The following PDE11A variants were observed in gnomAD, a reference collection of about 807,000 sequenced individuals.
PDE11A encodes dual 3',5'-cyclic-AMP and -GMP phosphodiesterase 11A.
PDE11A carries 100 observed loss-of-function variants against 100.5 expected under a neutral mutation model. That is an observed-to-expected ratio of 1.00 (90% CI 0.85 to 1.18). The LOEUF is 1.18. Among genes scored for constraint, PDE11A ranks in the 50% most tolerant of loss-of-function variants. The probability of loss-of-function intolerance (pLI) is 0.00; values close to 1 mark genes in which losing one functional copy is unlikely to be tolerated. For synonymous variants in PDE11A, 381 were observed against 420.8 expected (o/e 0.91, Z 1.16); for missense variants, 1,141 against 1,152.6 (o/e 0.99, Z 0.15).
upstream of PDE11A, among the ~76,000 whole-genome samples, chr2:178,076,506 C>T (rs1306122430): frequency 6.6e-6 from 1 of 152,148 alleles, no homozygotes; most frequent in East Asian, 1.9e-4. Context: ...CATAACTCCT[C>T]CAAAGTCACC....
intron 12 of PDE11A, among the ~76,000 whole-genome samples, chr2:177,720,145 G>C (rs1477128966): frequency 6.6e-6 from 1 of 151,978 alleles, no homozygotes; most frequent in African/African-American, 2.4e-5. Context: ...TATTTTATTT[G>C]CTTTGTGATG....
chr2:178,025,419 T>G (rs182509773), intron 1 of PDE11A, among the ~76,000 whole-genome samples: 1 of 152,232 alleles, frequency 6.6e-6, no homozygotes, highest in South Asian at 2.1e-4. Flanking sequence ...TTATCCCTTT[T>G]TTTAGTCACG....
At chr2:177,677,206 T>C (rs986806087) in intron 16 of PDE11A, among the ~76,000 whole-genome samples, 1 of 152,238 alleles carries the variant, frequency 6.6e-6, no homozygotes, top group Non-Finnish European at 1.5e-5. Context: ...GGTCCTCAGA[T>C]GATAATTCTA....
chr2:177,701,434 T>A (rs1258054097), intron 13 of PDE11A, among the ~76,000 whole-genome samples: 1 of 152,138 alleles, frequency 6.6e-6, no homozygotes, highest in African/African-American at 2.4e-5. Flanking sequence ...TTAGGCTAGA[T>A]GCTGCAAATG....
rs11904417 is a variant in PDE11A at position 178,063,134 on chromosome 2, T to C, written c.912+8392A>G. On this transcript the variant is annotated intron_variant, in intron 1 of 19. Coordinates refer to ENST00000286063, the MANE Select transcript of PDE11A (RefSeq NM_016953.4). ...ATTTCACAGAGACCCAATGTATACT[T>C]CGGAAATTGCATTTTGTACTAGAAA... is the stretch of plus-strand genomic sequence containing the variant. Among the ~76,000 whole-genome samples the C allele has an allele frequency of 5.3e-3, 807 of 152,332 alleles. 3 individuals are homozygous for C. The highest frequency in any genetic ancestry group is 0.019 in the African/African-American group (774 of 41,574).
chr2:177,631,664 T>C (rs62182743), intron 19 of PDE11A, among the ~76,000 whole-genome samples: 82,248 of 130,844 alleles, frequency 0.63, 28,511 homozygotes, highest in Admixed American at 0.75. Context: ...TGTATATATA[T>C]ACACATATAT....
intron 10 of PDE11A, among the ~76,000 whole-genome samples, chr2:177,748,700 A>G (rs2081987051): frequency 6.6e-6 from 1 of 152,136 alleles, no homozygotes; most frequent in Non-Finnish European, 1.5e-5. Context: ...TCACCCACTG[A>G]CTCTAGGTTT....
At chr2:178,016,876 C>T (rs559032749) in intron 1 of PDE11A, among the ~76,000 whole-genome samples, 1 of 152,272 alleles carries the variant, frequency 6.6e-6, no homozygotes, top group South Asian at 2.1e-4. Context: ...CAAATGGTGC[C>T]AAGTCTCACA....
At chr2:177,922,449 A>T (rs928999233) in intron 2 of PDE11A, among the ~76,000 whole-genome samples, 2 of 152,102 alleles carry the variant, frequency 1.3e-5, no homozygotes, top group Non-Finnish European at 2.9e-5. Flanking sequence ...TAATAAAATT[A>T]AAAAAAGAAT....
chr2:177,867,392 T>C (rs1418527132), intron 5 of PDE11A, among the ~76,000 whole-genome samples: 2 of 152,186 alleles, frequency 1.3e-5, no homozygotes, highest in Admixed American at 6.5e-5. Flanking sequence ...GATTAGGTAC[T>C]GGAGATCACC....
intron 6 of PDE11A, among the ~76,000 whole-genome samples, chr2:177,825,065 T>C (rs1038895890): frequency 6.6e-5 from 10 of 152,170 alleles, no homozygotes; most frequent in African/African-American, 2.4e-4. Context: ...TCCAATGCTA[T>C]AGAGAAGTCT....
chr2:177,881,333 A>ATCTAACTG (rs1553485619), intron 4 of PDE11A, among the ~76,000 whole-genome samples: 65 of 138,018 alleles, frequency 4.7e-4, no homozygotes, highest in African/African-American at 1.7e-3. Context: ...TCTATCTATC[A>ATCTAACTG]TCTATCTGTC....
chr2:178,085,505 C>A (rs2087338622), intron 2 of PDE11A, among the ~76,000 whole-genome samples: 1 of 151,096 alleles, frequency 6.6e-6, no homozygotes, highest in Admixed American at 6.6e-5. Flanking sequence ...CAAATCTGCA[C>A]ATGTACCCTA....
At chr2:178,081,672 A>C (rs929608959) in intron 2 of PDE11A, among the ~76,000 whole-genome samples, 1 of 152,180 alleles carries the variant, frequency 6.6e-6, no homozygotes, top group African/African-American at 2.4e-5. Flanking sequence ...AGGGAGTTTT[A>C]AGCACTTTTT....
chr2:178,037,184 C>T (rs1295123844), intron 1 of PDE11A, among the ~76,000 whole-genome samples: 1 of 152,012 alleles, frequency 6.6e-6, no homozygotes, highest in African/African-American at 2.4e-5. Context: ...AAGAAAAAAA[C>T]AAACAACACC....
At chr2:178,090,123 G>A (rs2087403863) in intron 2 of PDE11A, among the ~76,000 whole-genome samples, 1 of 152,096 alleles carries the variant, frequency 6.6e-6, no homozygotes, top group African/African-American at 2.4e-5. Context: ...CCTAACTGAG[G>A]ACTATATACA....
rs1553484766 is a variant in PDE11A at position 177,871,561 on chromosome 2, T to TATTATC, written c.1367+4297_1367+4298insGATAAT. Among the ~76,000 whole-genome samples, 10 of 130,382 alleles carry TATTATC rather than the reference T, an allele frequency of 7.7e-5. 1 individual carries two copies. Among genetic ancestry groups the TATTATC allele is most frequent in the South Asian group, 2.6e-4 (1 of 3,914 alleles). The allele number at this position is 130,382 out of a possible 152,430, so 85.5% of individuals were successfully genotyped here. A position where few individuals can be genotyped will look rare whatever the true frequency, so the allele number is the denominator to read the frequency against. On this transcript the variant is annotated intron_variant, in intron 5 of 19. Coordinates refer to ENST00000286063, the MANE Select transcript of PDE11A (RefSeq NM_016953.4). Reference sequence around the variant, plus strand: ...TTATTATTATTATTATTATTATTATTATTATTATTATTTTAAATCTTAGGC... The same window carrying TATTATC: ...TTATTATTATTATTATTATTATTATTATTATCATTATTATTATTTTAAATCTTAGGC...
chr2:177,627,359 CT>C lies in PDE11A; in HGVS notation c.*2047del, dbSNP rs1422508951. 1 of 151,870 alleles carries C rather than the reference CT, an allele frequency of 6.6e-6. No homozygotes were observed. The allele number at this position is 151,870 out of a possible 1,614,324, so 9.4% of individuals were successfully genotyped here. A position where few individuals can be genotyped will look rare whatever the true frequency, so the allele number is the denominator to read the frequency against. On this transcript the variant is annotated 3_prime_UTR_variant, in exon 20 of 20. Transcript: ENST00000286063. The stretch of plus-strand genomic sequence containing the variant: ...TCTATACATTTCTTTTACTTTGTTT[CT>C]TGCCATAAAGAGTCTTTTTCTCTAC...
At chr2:177,896,058 G>C (rs1396013082) in intron 4 of PDE11A, among the ~76,000 whole-genome samples, 1 of 152,158 alleles carries the variant, frequency 6.6e-6, no homozygotes, top group Admixed American at 6.5e-5. Context: ...GAGAAGAAAT[G>C]ATGAGGAGTG....
Sources: gnomAD v4.1 joint callset for allele counts (sites outside exome capture counted in the v4.1 genomes callset) on GRCh38, gnomAD v4.1.1 for gene constraint, MANE v1.5 for transcripts, NCBI Gene and HGNC (gene_info 2026-07-23, HGNC 2026-07-21) for gene names.